The following CNTN4 variants were observed in gnomAD, a reference collection of about 807,000 sequenced individuals.
CNTN4 encodes contactin-4.
Under a neutral mutation model 122.5 loss-of-function variants are expected in CNTN4, and 77 were observed. The ratio of observed to expected loss-of-function variants is 0.63; its 90% CI spans 0.52 to 0.76. The LOEUF is 0.76. Among genes scored for constraint, CNTN4 ranks in the 30% least tolerant of loss-of-function variants. CNTN4 has a pLI of 0.00. For synonymous variants in CNTN4, 512 were observed against 447.0 expected, an observed-to-expected ratio of 1.15 and a Z score of -1.83; for missense variants, 1,256 against 1,259.1, an observed-to-expected ratio of 1.00 and a Z score of 0.04.
chr3:2,921,109 C>T (rs2094425472), intron 12 of CNTN4, among the ~76,000 whole-genome samples: 4 of 152,220 alleles, frequency 2.6e-5, no homozygotes, highest in Admixed American at 2.6e-4. Context: ...GTGAGCCTAG[C>T]TCACTGCAGC....
intron 14 of CNTN4, among the ~76,000 whole-genome samples, chr3:3,003,158 T>G (rs2125415534): frequency 6.6e-6 from 1 of 152,322 alleles, no homozygotes; most frequent in East Asian, 1.9e-4. Context: ...AACAGCATAT[T>G]GATTCCAAGG....
intron 13 of CNTN4, among the ~76,000 whole-genome samples, chr3:2,965,239 C>T (rs956350672): frequency 6.6e-6 from 1 of 152,170 alleles, no homozygotes; most frequent in Non-Finnish European, 1.5e-5. Flanking sequence ...CCAAATTTCA[C>T]GCTATCCAAT....
intron 2 of CNTN4, among the ~76,000 whole-genome samples, chr3:2,185,737 T>G (rs1344383701): frequency 6.6e-6 from 1 of 152,140 alleles, no homozygotes; most frequent in Non-Finnish European, 1.5e-5. Flanking sequence ...GTACAAAGTA[T>G]TTCTTGGTTA....
intron 2 of CNTN4, among the ~76,000 whole-genome samples, chr3:2,230,611 C>T (rs2039447630): frequency 6.6e-6 from 1 of 152,068 alleles, no homozygotes; most frequent in East Asian, 1.9e-4. Flanking sequence ...TCAAAGCACC[C>T]ACGGGTACAT....
Position 2,568,454 on chromosome 3 carries a change from G to A in CNTN4, c.-88-2962G>A, listed in dbSNP as rs117254163. Among the ~76,000 whole-genome samples the A allele has an allele frequency of 3.2e-3, 491 of 152,074 alleles. 6 individuals carry two copies. Among genetic ancestry groups the A allele is most frequent in the East Asian group, 0.025 (127 of 5,176 alleles). On this transcript the variant is annotated intron_variant, in intron 3 of 24. Coordinates refer to ENST00000418658, the MANE Select transcript of CNTN4 (RefSeq NM_175607.3). ...TAGGATTTACGAGTCTCATTCTTGGGCAGGATCTCAAAATGAGTGCTGAGT... is the reference window on the plus strand; with the variant it reads ...TAGGATTTACGAGTCTCATTCTTGGACAGGATCTCAAAATGAGTGCTGAGT...
At chr3:2,125,893 T>C (rs936302782) in intron 2 of CNTN4, among the ~76,000 whole-genome samples, 1 of 96,640 alleles carries the variant, frequency 1.0e-5, no homozygotes, top group Non-Finnish European at 2.3e-5. Context: ...TTTTTATTTC[T>C]GGTGTGTGTG....
chr3:2,771,386 A>G (rs1260062266), intron 6 of CNTN4, among the ~76,000 whole-genome samples: 2 of 152,218 alleles, frequency 1.3e-5, no homozygotes, highest in Non-Finnish European at 2.9e-5. Flanking sequence ...TCTCTAATGC[A>G]GTGTTGGAAA....
chr3:2,296,807 A>C (rs2042331917), intron 2 of CNTN4, among the ~76,000 whole-genome samples: 1 of 151,764 alleles, frequency 6.6e-6, no homozygotes. Context: ...AAAACAACAA[A>C]AAACTATAAT....
intron 2 of CNTN4, among the ~76,000 whole-genome samples, chr3:2,325,509 C>G (rs1018016115): frequency 6.6e-6 from 1 of 152,176 alleles, no homozygotes; most frequent in Non-Finnish European, 1.5e-5. Flanking sequence ...ATACCTGAGT[C>G]TTCATCAAGT....
chr3:2,181,643 ATTAG>A (rs1429275993), intron 2 of CNTN4, among the ~76,000 whole-genome samples: 2 of 152,150 alleles, frequency 1.3e-5, no homozygotes, highest in East Asian at 1.9e-4. Context: ...TGGCTTATTA[ATTAG>A]TTAGTGTTAA....
intron 4 of CNTN4, among the ~76,000 whole-genome samples, chr3:2,707,152 A>G (rs1168419841): frequency 6.6e-6 from 1 of 151,936 alleles, no homozygotes; most frequent in Non-Finnish European, 1.5e-5. Context: ...AAAAATACAA[A>G]AAAATTAGAC....
intron 3 of CNTN4, among the ~76,000 whole-genome samples, chr3:2,509,257 T>A (rs2076818298): frequency 6.6e-6 from 1 of 152,208 alleles, no homozygotes; most frequent in South Asian, 2.1e-4. Flanking sequence ...ACGAGCTGCG[T>A]GGAGTAGATC....
intron 3 of CNTN4, among the ~76,000 whole-genome samples, chr3:2,470,340 G>T (rs1034252984): frequency 6.6e-6 from 1 of 152,188 alleles, no homozygotes; most frequent in African/African-American, 2.4e-5. Flanking sequence ...CTCCCAAAGT[G>T]CTGGGATTAC....
chr3:2,888,068 T>G (rs1415342172), intron 10 of CNTN4, among the ~76,000 whole-genome samples: 1 of 152,242 alleles, frequency 6.6e-6, no homozygotes, highest in Non-Finnish European at 1.5e-5. Context: ...GGGCAAGTTG[T>G]AGCAAAAGCT....
intron 2 of CNTN4, among the ~76,000 whole-genome samples, chr3:2,257,228 C>A (rs1047479468): frequency 6.6e-6 from 1 of 152,292 alleles, no homozygotes; most frequent in African/African-American, 2.4e-5. Context: ...GGAAAACTGG[C>A]TAGCCATAGG....
At chr3:2,705,236 C>T (rs578012549) in intron 4 of CNTN4, among the ~76,000 whole-genome samples, 19 of 148,738 alleles carry the variant, frequency 1.3e-4, no homozygotes, top group African/African-American at 3.0e-4. Flanking sequence ...GGCGTAGTGG[C>T]GGGCGCCTGT....
intron 4 of CNTN4, among the ~76,000 whole-genome samples, chr3:2,659,825 T>A (rs934530726): frequency 1.3e-5 from 2 of 152,326 alleles, no homozygotes; most frequent in African/African-American, 4.8e-5. Flanking sequence ...TCATCCTAAA[T>A]GTACACAATA....
intron 10 of CNTN4, among the ~76,000 whole-genome samples, chr3:2,888,717 T>C (rs1171259115): frequency 2.0e-5 from 3 of 152,054 alleles, no homozygotes; most frequent in Admixed American, 2.0e-4. Flanking sequence ...CATATATTCA[T>C]ATTTATATAC....
chr3:2,200,842 TAGAGAAGC>T (rs1480447585), intron 2 of CNTN4, among the ~76,000 whole-genome samples: 1 of 152,176 alleles, frequency 6.6e-6, no homozygotes, highest in Admixed American at 6.5e-5. Flanking sequence ...TATGCTTCAG[TAGAGAAGC>T]AGAGAAGAAT....
Sources: gnomAD v4.1 joint callset for allele counts (sites outside exome capture counted in the v4.1 genomes callset) on GRCh38, gnomAD v4.1.1 for gene constraint, MANE v1.5 for transcripts, NCBI Gene and HGNC (gene_info 2026-07-23, HGNC 2026-07-21) for gene names.